The following RNF220 variants were observed in gnomAD, a reference collection of about 807,000 sequenced individuals.
RNF220 encodes the protein ring finger protein 220.
A neutral mutation model predicts 67.1 loss-of-function variants in RNF220; 7 were observed. The observed-to-expected ratio is 0.10, with a 90% CI of 0.06 to 0.20. RNF220 has a LOEUF of 0.20. Ranked by LOEUF, RNF220 falls within the 10% of genes least tolerant of loss-of-function variation. The pLI is 1.00. For missense variants in RNF220, 565 were observed against 740.3 expected (o/e 0.76, Z 2.75); for synonymous variants, 270 against 283.2 (o/e 0.95, Z 0.47).
At position 44,412,774 on chromosome 1, in the gene RNF220, C is replaced by T. The variant is rs1238945968; in HGVS notation, c.625+52C>T. On this transcript the variant is annotated intron_variant, in intron 2 of 14. Transcript: ENST00000361799. The surrounding 1 kb of genome is among the most constrained non-coding windows in gnomAD (Gnocchi z 5.3). ...TTACCCCCAGTAAGCCCTGCCTCACCGTGATGTTCAACAGGTCGGTGGCGT... is the reference window on the plus strand; with the variant it reads ...TTACCCCCAGTAAGCCCTGCCTCACTGTGATGTTCAACAGGTCGGTGGCGT... 1.9e-5 allele frequency: 30 copies of T among 1,566,306 alleles called. No individual in the cohort carries two copies. Among genetic ancestry groups the T allele is most frequent in the South Asian group, 4.8e-5 (4 of 82,958 alleles).
chr1:44,635,682 C>T (rs772700935), intron 7 of RNF220, 94 bp downstream of exon 7: 2 of 1,601,240 alleles, frequency 1.2e-6, no homozygotes, highest in South Asian at 2.2e-5. Context: ...GGGGCCATCA[C>T]CACCCACCTT....
rs12077568 is a variant in RNF220, at chr1:44,540,417, C to T, written c.626-73748C>T. 8.3e-4 allele frequency among the ~76,000 whole-genome samples: 126 copies of T among 152,284 alleles called. 1 individual carries two copies. Among genetic ancestry groups the T allele is most frequent in the Admixed American group, 2.5e-3 (39 of 15,300 alleles). On this transcript the variant is annotated intron_variant, in intron 2 of 14. Coordinates refer to ENST00000361799, the MANE Select transcript of RNF220 (RefSeq NM_018150.4). ...GCGTTGAACTGTACCACACATCACC[C>T]CCTGACAGGCCCTGATGTTAGCTCC...
Position 44,412,870 on chromosome 1 carries a change from T to G in RNF220, c.625+148T>G, listed in dbSNP as rs552712567. On this transcript the variant is annotated intron_variant, in intron 2 of 14. Transcript: ENST00000361799. This position sits in a 1 kb window ranked among gnomAD's most constrained non-coding sequence, Gnocchi z 5.3. ...CTAGCTGTGGAGTGCTAACCTTTGCTTGTCTCTTATCAGTGAGCACTGATA... is the reference window on the plus strand; with the variant it reads ...CTAGCTGTGGAGTGCTAACCTTTGCGTGTCTCTTATCAGTGAGCACTGATA... 2.2e-6 allele frequency: 2 copies of G among 927,150 alleles called. No homozygotes were observed. Among genetic ancestry groups the G allele is most frequent in the Non-Finnish European group, 3.3e-6 (2 of 613,170 alleles). The allele number at this position is 927,150 out of a possible 1,614,324, so 57.4% of individuals were successfully genotyped here. A position where few individuals can be genotyped will look rare whatever the true frequency, so the allele number is the denominator to read the frequency against.
rs113379165 is a variant in RNF220 at position 44,557,895 on chromosome 1, G to A, written c.626-56270G>A. On this transcript the variant is annotated intron_variant, in intron 2 of 14. Transcript: ENST00000361799. ...CTTCCAGACTGGGTGGTGAGTCATCGACCCTTCCCCACTGAGGAGCTTTTG... is the reference window on the plus strand; with the variant it reads ...CTTCCAGACTGGGTGGTGAGTCATCAACCCTTCCCCACTGAGGAGCTTTTG... Among the ~76,000 whole-genome samples the A allele has an allele frequency of 1.8e-3, 277 of 152,224 alleles. 1 individual carries two copies. The highest frequency in any genetic ancestry group is 6.4e-3 in the African/African-American group (266 of 41,532).
chr1:44,422,190 A>C (rs1649296158), intron 2 of RNF220, among the ~76,000 whole-genome samples: 1 of 152,216 alleles, frequency 6.6e-6, no homozygotes, highest in African/African-American at 2.4e-5. Flanking sequence ...CAAATGCCAA[A>C]ATCATGGTTC....
chr1:44,567,137 A>T (rs1222385454), intron 2 of RNF220, among the ~76,000 whole-genome samples: 1 of 152,120 alleles, frequency 6.6e-6, no homozygotes, highest in African/African-American at 2.4e-5. Context: ...GACCGAGTGG[A>T]GGGGTCAGTG....
intron 2 of RNF220, among the ~76,000 whole-genome samples, chr1:44,603,263 G>C (rs897309058): frequency 2.6e-5 from 4 of 152,232 alleles, no homozygotes; most frequent in Admixed American, 6.5e-5. Flanking sequence ...GCTGTTTACT[G>C]TCTCGCCTTT....
rs1348949816 is a variant in RNF220 at position 44,428,090 on chromosome 1, G to A, written c.625+15368G>A. On this transcript the variant is annotated intron_variant, in intron 2 of 14. Transcript: ENST00000361799. ...TCTTGGCTTCAGTTATATGGGGGCTGGAGCAGGGATGAGTTTAGCACCCAC... is the reference window on the plus strand; with the variant it reads ...TCTTGGCTTCAGTTATATGGGGGCTAGAGCAGGGATGAGTTTAGCACCCAC... Among the ~76,000 whole-genome samples, 3 of 152,176 alleles carry A rather than the reference G, an allele frequency of 2.0e-5. No individual in the cohort carries two copies. In the East Asian group the frequency reaches 5.8e-4, roughly 29 times the overall value.
At chr1:44,555,945 C>T (rs1439008359) in intron 2 of RNF220, among the ~76,000 whole-genome samples, 1 of 150,570 alleles carries the variant, frequency 6.6e-6, no homozygotes, top group East Asian at 2.0e-4. Flanking sequence ...TTGTCTCCTC[C>T]TTTGTGCCCC....
intron 2 of RNF220, among the ~76,000 whole-genome samples, chr1:44,568,341 A>T (rs748715459): frequency 5.9e-5 from 9 of 152,126 alleles, no homozygotes; most frequent in Non-Finnish European, 1.2e-4. Context: ...TAATGATATG[A>T]CTCACATGTA....
intron 2 of RNF220, among the ~76,000 whole-genome samples, chr1:44,557,195 T>TTA (rs201045333): frequency 0.044 from 6,378 of 144,202 alleles, 383 homozygotes; most frequent in East Asian, 0.13. Flanking sequence ...AATATATATT[T>TTA]TATATATATA....
intron 1 of RNF220, among the ~76,000 whole-genome samples, chr1:44,408,250 C>T (rs531803500): frequency 6.6e-6 from 1 of 152,314 alleles, no homozygotes; most frequent in African/African-American, 2.4e-5. Context: ...TCCCGCGACC[C>T]CGCACTCTCG....
intron 8 of RNF220, chr1:44,638,348 T>C (rs938041710): frequency 2.6e-5 from 4 of 151,924 alleles, no homozygotes; most frequent in Non-Finnish European, 4.4e-5. Context: ...TTAGAGGGAG[T>C]GATAACGCCA....
intron 2 of RNF220, among the ~76,000 whole-genome samples, chr1:44,468,232 A>G (rs1356502503): frequency 2.6e-5 from 4 of 152,078 alleles, no homozygotes; most frequent in Admixed American, 2.6e-4. Flanking sequence ...AAAACAAGGT[A>G]TGCCTGTACC....
At chr1:44,550,814 C>T (rs1336274512) in intron 2 of RNF220, among the ~76,000 whole-genome samples, 2 of 152,150 alleles carry the variant, frequency 1.3e-5, no homozygotes, top group Non-Finnish European at 2.9e-5. Context: ...TCAGGGCGTT[C>T]TTGGGCCTGT....
intron 2 of RNF220, among the ~76,000 whole-genome samples, chr1:44,562,485 C>T (rs113033202): frequency 0.028 from 4,202 of 152,306 alleles, 216 homozygotes; most frequent in African/African-American, 0.096. Context: ...AAAACTTTAA[C>T]AAGCATCCAT....
intron 2 of RNF220, among the ~76,000 whole-genome samples, chr1:44,439,540 TTTTTA>T (rs1470583341): frequency 3.9e-5 from 6 of 152,080 alleles, no homozygotes; most frequent in African/African-American, 1.4e-4. Context: ...TTTTTATTTA[TTTTTA>T]TTTTATTTTA....
At chr1:44,479,197 C>G (rs1373009018) in intron 2 of RNF220, among the ~76,000 whole-genome samples, 5 of 151,524 alleles carry the variant, frequency 3.3e-5, no homozygotes, top group Admixed American at 1.3e-4. Context: ...CTCACTGCAA[C>G]CTCCGCCTCC....
intron 3 of RNF220, among the ~76,000 whole-genome samples, chr1:44,618,290 GCACA>G (rs1262084385): frequency 6.6e-6 from 1 of 152,098 alleles, no homozygotes; most frequent in Non-Finnish European, 1.5e-5. Flanking sequence ...ACATGCAGGT[GCACA>G]CACACACCCA....
Sources: allele counts gnomAD v4.1 joint callset (sites outside exome capture counted in the v4.1 genomes callset), GRCh38; gene constraint gnomAD v4.1.1; non-coding constraint Gnocchi (gnomAD v3.1); transcripts MANE v1.5; gene names NCBI Gene and HGNC (gene_info 2026-07-23, HGNC 2026-07-21).